STRN: variants seen among roughly 807,000 people sequenced by gnomAD.
The protein encoded by STRN is protein phosphatase 2 regulatory subunit B'''alpha.
In STRN, 53 loss-of-function variants were observed where a neutral mutation model predicts 96.3. The observed-to-expected ratio is 0.55, with a 90% CI of 0.44 to 0.69. STRN has a LOEUF of 0.69. STRN is among the 30% of genes least tolerant of loss of function. The pLI is 0.00. For synonymous variants in STRN, 428 were observed against 355.9 expected, an observed-to-expected ratio of 1.20 and a Z score of -2.28; for missense variants, 987 against 963.9, an observed-to-expected ratio of 1.02 and a Z score of -0.32.
At chr2:36,850,919 A>C in intron 16 of STRN, 81 bp downstream of exon 16, 3 of 1,136,260 alleles carry the variant, frequency 2.6e-6, no homozygotes, top group Non-Finnish European at 3.8e-6. Flanking sequence ...GAAACCACCA[A>C]GAGACACCAA....
At chr2:36,901,906 T>A (rs1669693607) in intron 5 of STRN, among the ~76,000 whole-genome samples, 1 of 152,204 alleles carries the variant, frequency 6.6e-6, no homozygotes, top group Admixed American at 6.5e-5. Flanking sequence ...TCTTCCTTCC[T>A]AAACAAGTGT....
rs1159837973 is a variant in STRN at position 36,839,722 on chromosome 2, T to C, written c.*9734A>G. 6.6e-6 allele frequency among the ~76,000 whole-genome samples: 1 copy of C among 152,228 alleles called. No individual in the cohort carries two copies. The highest frequency in any genetic ancestry group is 2.4e-5 in the African/African-American group (1 of 41,456). ...TGTTGAACTGATCTTAAAGGAATCA[T>C]ATTTTTAGTAATTTTAATGACAGTT... On this transcript the variant is annotated 3_prime_UTR_variant, in exon 18 of 18. Transcript: ENST00000263918.
chr2:36,951,647 T>C (rs904822659), intron 1 of STRN, among the ~76,000 whole-genome samples: 3 of 152,206 alleles, frequency 2.0e-5, no homozygotes, highest in African/African-American at 4.8e-5. Context: ...TGTAACCTAA[T>C]ATATGATTCA....
chr2:36,890,370 T>G (rs1281890299), intron 7 of STRN, among the ~76,000 whole-genome samples: 1 of 151,898 alleles, frequency 6.6e-6, no homozygotes, highest in African/African-American at 2.4e-5. Context: ...TCCCTGAAGG[T>G]AATGGCAAAT....
At chr2:36,920,862 G>T (rs1198431586) in intron 2 of STRN, among the ~76,000 whole-genome samples, 5 of 151,968 alleles carry the variant, frequency 3.3e-5, no homozygotes, top group Admixed American at 2.6e-4. Flanking sequence ...GGATCACAAG[G>T]TCAAGGGATC....
chr2:36,949,748 G>T (rs987510522), intron 1 of STRN, among the ~76,000 whole-genome samples: 3 of 152,298 alleles, frequency 2.0e-5, no homozygotes, highest in Non-Finnish European at 4.4e-5. Context: ...TTGGGAAAAG[G>T]ATTTTAGAAA....
chr2:36,905,710 A>T (rs1669802310), intron 3 of STRN, 92 bp from the exon 4 acceptor site: 3 of 1,104,510 alleles, frequency 2.7e-6, no homozygotes, highest in Non-Finnish European at 4.1e-6. Flanking sequence ...CATTTATAAG[A>T]TTAAGAATAT....
rs545655299 is a variant in STRN, at chr2:36,849,047, G to A, written c.*409C>T. ...AATGTGTTTTAACAAGATTTCTCAGGGGAGAACTTGGTCTAAGTTTCCCGT... is the reference window on the plus strand; with the variant it reads ...AATGTGTTTTAACAAGATTTCTCAGAGGAGAACTTGGTCTAAGTTTCCCGT... On this transcript the variant is annotated 3_prime_UTR_variant, in exon 18 of 18. Transcript: ENST00000263918. 1 of 166,478 alleles carries A rather than the reference G, an allele frequency of 6.0e-6. No individual in the cohort carries two copies. The highest frequency in any genetic ancestry group is 1.6e-4 in the South Asian group (1 of 6,188). The allele number at this position is 166,478 out of a possible 1,614,324, so 10.3% of individuals were successfully genotyped here. A position where few individuals can be genotyped will look rare whatever the true frequency, so the allele number is the denominator to read the frequency against.
At chr2:36,887,162 C>T (rs1669256801) in intron 7 of STRN, among the ~76,000 whole-genome samples, 1 of 151,552 alleles carries the variant, frequency 6.6e-6, no homozygotes, top group African/African-American at 2.4e-5. Flanking sequence ...GGTGGGGTGG[C>T]TCACGCCTAT....
At chr2:36,882,965 G>C (rs1232751902) in intron 9 of STRN, among the ~76,000 whole-genome samples, 1 of 152,030 alleles carries the variant, frequency 6.6e-6, no homozygotes, top group African/African-American at 2.4e-5. Context: ...TATACCATAA[G>C]ATTACACTGC....
At chr2:36,930,960 G>C (rs957174735) in intron 1 of STRN, among the ~76,000 whole-genome samples, 2 of 151,872 alleles carry the variant, frequency 1.3e-5, no homozygotes, top group African/African-American at 2.4e-5. Context: ...TTGAACCTGA[G>C]AGGTAGAGGT....
chr2:36,846,348 C>G lies in STRN; in HGVS notation c.*3108G>C, dbSNP rs1453081474. 1 of 125,324 alleles carries G rather than the reference C, an allele frequency of 8.0e-6. No individual in the cohort carries two copies. The highest frequency in any genetic ancestry group is 1.6e-5 in the Non-Finnish European group (1 of 62,436). The allele number at this position is 125,324 out of a possible 1,614,324, so 7.8% of individuals were successfully genotyped here. ...CATTATCTGCTGTGTATACTACCTCCAAAAATGAAAATACAAAACAGTAAA... is the reference window on the plus strand; with the variant it reads ...CATTATCTGCTGTGTATACTACCTCGAAAAATGAAAATACAAAACAGTAAA... On this transcript the variant is annotated 3_prime_UTR_variant, in exon 18 of 18. Coordinates refer to ENST00000263918, the MANE Select transcript of STRN (RefSeq NM_003162.4).
chr2:36,859,592 T>C (rs772553418), intron 13 of STRN, among the ~76,000 whole-genome samples: 2 of 152,212 alleles, frequency 1.3e-5, no homozygotes, highest in Admixed American at 6.5e-5. Context: ...TAAAGATGTA[T>C]GAGTCAACTA....
intron 16 of STRN, 44 bp from the exon 17 acceptor site, chr2:36,849,844 A>G: frequency 6.3e-7 from 1 of 1,579,836 alleles, no homozygotes; most frequent in Admixed American, 1.7e-5. Flanking sequence ...GCCTTTCCTC[A>G]TCTTCAATAT....
In STRN at chr2:36,839,589, A is replaced by G. The variant is rs896317982; in HGVS notation, c.*9867T>C. Among the ~76,000 whole-genome samples, 1 of 152,168 alleles carries G rather than the reference A, an allele frequency of 6.6e-6. No individual in the cohort carries two copies. The highest frequency in any genetic ancestry group is 1.5e-5 in the Non-Finnish European group (1 of 68,036). On this transcript the variant is annotated 3_prime_UTR_variant, in exon 18 of 18. Transcript: ENST00000263918. Reference sequence around the variant, plus strand: ...CAAATCAACCTAATTAGGCAGATCTATTATCCCCATTTCATAGATGAGAAG... The same window carrying G: ...CAAATCAACCTAATTAGGCAGATCTGTTATCCCCATTTCATAGATGAGAAG...
chr2:36,886,755 G>C lies in STRN; in HGVS notation c.1003C>G (p.Gln335Glu). Residue 335 changes from glutamine (Q) to glutamate (E), a missense_variant, in exon 8 of 18, where the codon CAA (glutamine) becomes GAA (glutamate). By Grantham distance (29) the Gln-to-Glu change is conservative (BLOSUM62 2). Coordinates refer to ENST00000263918, the MANE Select transcript of STRN (RefSeq NM_003162.4). ...DQGVITKLKE[Q>E]YKKERKGKKG... is the part of the protein sequence containing the mutation. ...TTCCCCTTTCTCTCCTTTTTGTATT[G>C]TTCCTTGAGTTTGGTAATTACTCCC... The C allele has an allele frequency of 6.2e-7, 1 of 1,611,376 alleles. No individual in the cohort carries two copies. The highest frequency in any genetic ancestry group is 8.5e-7 in the Non-Finnish European group (1 of 1,178,898).
In STRN at chr2:36,886,891, T is replaced by C. The variant is rs1052101640; in HGVS notation, c.932-65A>G. On this transcript the variant is annotated intron_variant, in intron 7 of 17. Transcript: ENST00000263918. ...AAATATTGAACACTCTGAGTCAGTA[T>C]GTCTGAATGACGTAACAACCACTTT... 8.0e-5 allele frequency: 104 copies of C among 1,299,204 alleles called. 1 individual carries two copies. The highest frequency in any genetic ancestry group is 1.1e-4 in the Non-Finnish European group (100 of 942,070). The allele number at this position is 1,299,204 out of a possible 1,614,324, so 80.5% of individuals were successfully genotyped here.
Position 36,839,899 on chromosome 2 carries a change from T to A in STRN, c.*9557A>T, listed in dbSNP as rs955346743. The A allele has an allele frequency of 6.6e-5, 10 of 152,214 alleles. No individual in the cohort carries two copies. 9.4% of individuals were successfully genotyped at this position (152,214 alleles called of 1,614,324 possible). The stretch of plus-strand genomic sequence containing the variant: ...TGTTTTATTCCTAAAACAATTGCAC[T>A]GTTCAGCTAAAGCCCTGGGCCCTGC... On this transcript the variant is annotated 3_prime_UTR_variant, in exon 18 of 18. Transcript: ENST00000263918.
At chr2:36,915,269 A>ATATATATATT (rs1670066078) in intron 3 of STRN, among the ~76,000 whole-genome samples, 1 of 134,056 alleles carries the variant, frequency 7.5e-6, no homozygotes, top group Admixed American at 7.7e-5. Flanking sequence ...ATATATATAT[A>ATATATATATT]TATAAAGCCT....
Sources: allele counts gnomAD v4.1 joint callset (sites outside exome capture counted in the v4.1 genomes callset), GRCh38; gene constraint gnomAD v4.1.1; transcripts MANE v1.5; gene names NCBI Gene and HGNC (gene_info 2026-07-23, HGNC 2026-07-21).